The following EPHA3 variants were observed in gnomAD, a reference collection of about 807,000 sequenced individuals.
The protein encoded by EPHA3 is EPH receptor A3.
A neutral mutation model predicts 107.1 loss-of-function variants in EPHA3; 42 were observed. The ratio of observed to expected loss-of-function variants is 0.39; its 90% confidence interval spans 0.31 to 0.51. The LOEUF is 0.51. Ranked by LOEUF, EPHA3 falls within the 20% of genes least tolerant of loss-of-function variation. The probability of loss-of-function intolerance (pLI) is 0.78; values close to 1 mark genes in which losing one functional copy is unlikely to be tolerated. For synonymous variants in EPHA3, 461 were observed against 424.8 expected (o/e 1.09, Z -1.05); for missense variants, 1,183 against 1,211.2 (o/e 0.98, Z 0.35).
chr3:89,296,600 A>C (rs1706358855), intron 3 of EPHA3, among the ~76,000 whole-genome samples: 1 of 152,122 alleles, frequency 6.6e-6, no homozygotes, highest in Non-Finnish European at 1.5e-5. Flanking sequence ...GAGTATATTT[A>C]GCAAAATTAT....
chr3:89,256,707 G>A (rs1423777502), intron 3 of EPHA3, among the ~76,000 whole-genome samples: 1 of 152,186 alleles, frequency 6.6e-6, no homozygotes, highest in Non-Finnish European at 1.5e-5. Context: ...CAAGCCCAGA[G>A]TCTTGCTGAA....
intron 15 of EPHA3, among the ~76,000 whole-genome samples, chr3:89,452,737 T>A (rs1000389773): frequency 1.5e-4 from 23 of 152,150 alleles, no homozygotes; most frequent in African/African-American, 5.6e-4. Context: ...TTCCTATGAT[T>A]TTGGTGTCAT....
intron 3 of EPHA3, among the ~76,000 whole-genome samples, chr3:89,264,842 G>A (rs751743276): frequency 6.6e-6 from 1 of 152,054 alleles, no homozygotes; most frequent in South Asian, 2.1e-4. Context: ...CAAAATACCT[G>A]ATTTCATATT....
intron 3 of EPHA3, among the ~76,000 whole-genome samples, chr3:89,261,990 T>G (rs1457080828): frequency 6.6e-6 from 1 of 152,078 alleles, no homozygotes; most frequent in Non-Finnish European, 1.5e-5. Flanking sequence ...ATTATTTAAT[T>G]GGTTTACCTT....
chr3:89,268,681 T>C (rs1321429161), intron 3 of EPHA3, among the ~76,000 whole-genome samples: 1 of 152,080 alleles, frequency 6.6e-6, no homozygotes, highest in Admixed American at 6.6e-5. Context: ...ACTTAACTGC[T>C]GATTTTTTAG....
intron 5 of EPHA3, among the ~76,000 whole-genome samples, chr3:89,369,068 C>A (rs189094183): frequency 6.7e-6 from 1 of 150,216 alleles, no homozygotes; most frequent in Non-Finnish European, 1.5e-5. Context: ...GCTATTGAAG[C>A]GTGTCATGGA....
At chr3:89,214,512 A>C (rs373001769) in intron 3 of EPHA3, among the ~76,000 whole-genome samples, 1 of 151,946 alleles carries the variant, frequency 6.6e-6, no homozygotes, top group Non-Finnish European at 1.5e-5. Flanking sequence ...GTATTTAATG[A>C]ATGTATATAT....
At chr3:89,329,305 T>A (rs1208057689) in intron 3 of EPHA3, among the ~76,000 whole-genome samples, 1 of 152,004 alleles carries the variant, frequency 6.6e-6, no homozygotes, top group African/African-American at 2.4e-5. Flanking sequence ...TCCACACTTC[T>A]AGGGTAGCAA....
chr3:89,421,625 T>C (rs1208489252), intron 11 of EPHA3, among the ~76,000 whole-genome samples: 1 of 151,348 alleles, frequency 6.6e-6, no homozygotes, highest in East Asian at 1.9e-4. Context: ...AAACTCACTC[T>C]ATTATTTTGT....
At chr3:89,221,212 C>T (rs995312440) in intron 3 of EPHA3, among the ~76,000 whole-genome samples, 9 of 152,198 alleles carry the variant, frequency 5.9e-5, no homozygotes, top group Admixed American at 4.6e-4. Context: ...AAGGATGCTT[C>T]TCAGGATGTT....
At chr3:89,306,745 G>A (rs983622087) in intron 3 of EPHA3, among the ~76,000 whole-genome samples, 2 of 152,140 alleles carry the variant, frequency 1.3e-5, no homozygotes, top group African/African-American at 4.8e-5. Flanking sequence ...TGTGGATTTG[G>A]ATCTGTTTGG....
chr3:89,381,916 A>C (rs1205204026), intron 5 of EPHA3, among the ~76,000 whole-genome samples: 3 of 152,170 alleles, frequency 2.0e-5, no homozygotes, highest in African/African-American at 7.2e-5. Flanking sequence ...CAGCTGTAAG[A>C]AACATCCATT....
At chr3:89,421,109 T>C (rs1709344574) in intron 11 of EPHA3, among the ~76,000 whole-genome samples, 1 of 151,478 alleles carries the variant, frequency 6.6e-6, no homozygotes, top group African/African-American at 2.4e-5. Flanking sequence ...ATTCTACTTA[T>C]TCTTTTATAT....
At chr3:89,172,031 C>G (rs1705222567) in intron 2 of EPHA3, among the ~76,000 whole-genome samples, 1 of 152,020 alleles carries the variant, frequency 6.6e-6, no homozygotes, top group Non-Finnish European at 1.5e-5. Flanking sequence ...AACCAACCGC[C>G]CCTTCTTCTC....
chr3:89,123,029 A>C (rs546009894), intron 1 of EPHA3, among the ~76,000 whole-genome samples: 1 of 152,322 alleles, frequency 6.6e-6, no homozygotes, highest in South Asian at 2.1e-4. Flanking sequence ...AAGAGGGGGA[A>C]ACATAACAGT....
At chr3:89,349,967 G>A (rs1485292867) in intron 5 of EPHA3, among the ~76,000 whole-genome samples, 2 of 149,328 alleles carry the variant, frequency 1.3e-5, no homozygotes, top group East Asian at 1.9e-4. Flanking sequence ...TGGCTTGTAG[G>A]GTTTCTGCCG....
At chr3:89,440,675 T>G (rs1709765606) in intron 13 of EPHA3, among the ~76,000 whole-genome samples, 1 of 152,330 alleles carries the variant, frequency 6.6e-6, no homozygotes, top group Middle Eastern at 3.4e-3. Flanking sequence ...GTGTGATTCC[T>G]CATCTAACTG....
chr3:89,205,608 G>A (rs1706081018), intron 2 of EPHA3, among the ~76,000 whole-genome samples: 2 of 152,100 alleles, frequency 1.3e-5, no homozygotes, highest in African/African-American at 4.8e-5. Flanking sequence ...TGGAAGCTAG[G>A]CTAAATATCA....
chr3:89,205,803 C>T (rs1706086860), intron 2 of EPHA3, among the ~76,000 whole-genome samples: 1 of 147,610 alleles, frequency 6.8e-6, no homozygotes, highest in Admixed American at 6.8e-5. Flanking sequence ...CTATGTCTCC[C>T]TTTTTTTTTT....
Sources: gnomAD v4.1 joint callset for allele counts (sites outside exome capture counted in the v4.1 genomes callset) on GRCh38, gnomAD v4.1.1 for gene constraint, MANE v1.5 for transcripts, NCBI Gene and HGNC (gene_info 2026-07-23, HGNC 2026-07-21) for gene names.